Variants in RAD51B observed in about 807,000 individuals in gnomAD.
RAD51B encodes the protein DNA repair protein RAD51 homolog 2.
RAD51B carries 38 observed loss-of-function variants against 42.2 expected under a neutral mutation model. That is an observed-to-expected ratio of 0.90 (90% CI 0.70 to 1.18). RAD51B has a LOEUF of 1.18. RAD51B is among the 50% of genes most tolerant of loss of function. The pLI, the probability that RAD51B is intolerant of heterozygous loss-of-function variation, is 0.00. For synonymous variants in RAD51B, 154 were observed against 145.2 expected, an observed-to-expected ratio of 1.06 and a Z score of -0.43; for missense variants, 373 against 400.7, an observed-to-expected ratio of 0.93 and a Z score of 0.59.
At chr14:68,111,920 G>T (rs2077465721) in intron 7 of RAD51B, among the ~76,000 whole-genome samples, 1 of 152,030 alleles carries the variant, frequency 6.6e-6, no homozygotes, top group South Asian at 2.1e-4. Flanking sequence ...GTTCCTCTCT[G>T]TTCCCCTAGA....
chr14:67,839,237 T>A (rs373433788), intron 4 of RAD51B, among the ~76,000 whole-genome samples: 1 of 152,126 alleles, frequency 6.6e-6, no homozygotes, highest in Non-Finnish European at 1.5e-5. Context: ...TATTCTGCAA[T>A]AGTTTGCCTA....
At chr14:67,891,547 A>C in intron 7 of RAD51B, among the ~76,000 whole-genome samples, 1 of 152,130 alleles carries the variant, frequency 6.6e-6, no homozygotes, top group East Asian at 1.9e-4. Flanking sequence ...TTCTGGTTTT[A>C]AAGTGGACAT....
intron 2 of RAD51B, among the ~76,000 whole-genome samples, chr14:67,824,796 C>G (rs188704108): frequency 1.1e-3 from 165 of 151,636 alleles, no homozygotes; most frequent in African/African-American, 3.9e-3. Flanking sequence ...GAAACTCTTT[C>G]GGCCGGGCAC....
At chr14:68,635,393 A>G (rs1432530797) in intron 10 of RAD51B, among the ~76,000 whole-genome samples, 3 of 152,250 alleles carry the variant, frequency 2.0e-5, no homozygotes, top group Non-Finnish European at 4.4e-5. Context: ...TTTAAAAACC[A>G]GAGATGTGAT....
At chr14:67,880,829 A>C (rs1212477801) in intron 5 of RAD51B, among the ~76,000 whole-genome samples, 2 of 152,084 alleles carry the variant, frequency 1.3e-5, no homozygotes, top group Non-Finnish European at 2.9e-5. Flanking sequence ...TTTAAGGTAC[A>C]TTTTAGTATT....
In RAD51B at chr14:67,850,283, G is replaced by A. The variant is rs112176320; in HGVS notation, c.316-14720G>A. The stretch of plus-strand genomic sequence containing the variant: ...GGATGGATTACAGACATGAGTCACC[G>A]TGCCTGGCTGGCACTTCAAATTTTT... On this transcript the variant is annotated intron_variant, in intron 4 of 10. Transcript: ENST00000471583. Among the ~76,000 whole-genome samples, 1,093 of 152,300 alleles carry A rather than the reference G, an allele frequency of 7.2e-3. 17 individuals are homozygous for A. Among genetic ancestry groups the A allele is most frequent in the African/African-American group, 0.025 (1,041 of 41,530 alleles).
At chr14:68,376,590 A>G (rs34987391) in intron 8 of RAD51B, among the ~76,000 whole-genome samples, 3,068 of 152,246 alleles carry the variant, frequency 0.02, 41 homozygotes, top group Non-Finnish European at 0.03. Flanking sequence ...ACCTGCCAAC[A>G]TAGTTGGGCA....
intron 8 of RAD51B, among the ~76,000 whole-genome samples, chr14:68,298,299 A>G (rs2081652387): frequency 6.6e-6 from 1 of 152,230 alleles, no homozygotes; most frequent in Non-Finnish European, 1.5e-5. Flanking sequence ...CCTGGAGGCC[A>G]GGGGGCAATG....
intron 5 of RAD51B, among the ~76,000 whole-genome samples, chr14:67,870,206 A>G (rs1719268369): frequency 6.6e-6 from 1 of 151,806 alleles, no homozygotes; most frequent in South Asian, 2.1e-4. Context: ...ACGTGCAGAG[A>G]CACACATAGG....
At chr14:68,569,114 G>A (rs1889566075) in intron 10 of RAD51B, among the ~76,000 whole-genome samples, 1 of 152,136 alleles carries the variant, frequency 6.6e-6, no homozygotes, top group Admixed American at 6.5e-5. Flanking sequence ...TTTCCCTTCG[G>A]CATCATCAGC....
chr14:68,046,881 T>C (rs1304203862), intron 7 of RAD51B, among the ~76,000 whole-genome samples: 10 of 152,128 alleles, frequency 6.6e-5, no homozygotes, highest in Non-Finnish European at 1.5e-4. Flanking sequence ...GTGTAGTGTT[T>C]ATAAGAAGTC....
At chr14:68,675,481 A>C (rs548132480) in intron 11 of RAD51B, among the ~76,000 whole-genome samples, 1 of 152,182 alleles carries the variant, frequency 6.6e-6, no homozygotes. Context: ...ACAGTAACAC[A>C]AAGTGCTAAG....
At chr14:68,342,097 ACT>A (rs2082583259) in intron 8 of RAD51B, among the ~76,000 whole-genome samples, 1 of 152,108 alleles carries the variant, frequency 6.6e-6, no homozygotes. Context: ...TTACCCCTTG[ACT>A]CTATCACATG....
chr14:68,251,400 T>C (rs947600256), intron 7 of RAD51B, among the ~76,000 whole-genome samples: 12 of 152,136 alleles, frequency 7.9e-5, no homozygotes, highest in African/African-American at 2.7e-4. Flanking sequence ...GAGGAGAGTG[T>C]AGCTATACAA....
intron 4 of RAD51B, among the ~76,000 whole-genome samples, chr14:67,858,459 TG>T (rs1254869974): frequency 6.6e-6 from 1 of 152,228 alleles, no homozygotes. Flanking sequence ...AAATTCCGGC[TG>T]TCTCCGGTAT....
At chr14:68,296,864 A>G (rs2081623902) in intron 8 of RAD51B, among the ~76,000 whole-genome samples, 1 of 152,212 alleles carries the variant, frequency 6.6e-6, no homozygotes, top group Admixed American at 6.5e-5. Flanking sequence ...GTTTTCCGAT[A>G]GACCATAGCA....
intron 5 of RAD51B, among the ~76,000 whole-genome samples, chr14:67,881,600 T>C (rs969591286): frequency 1.3e-5 from 2 of 152,188 alleles, no homozygotes; most frequent in African/African-American, 4.8e-5. Context: ...AGGCTCTGTT[T>C]ACTTTCCCTT....
At chr14:68,514,540 C>T (rs1200448029) in intron 10 of RAD51B, among the ~76,000 whole-genome samples, 1 of 152,234 alleles carries the variant, frequency 6.6e-6, no homozygotes, top group Non-Finnish European at 1.5e-5. Context: ...CTAAAAGTTC[C>T]TCCTGTGGGC....
intron 7 of RAD51B, among the ~76,000 whole-genome samples, chr14:68,078,986 A>C (rs1478311109): frequency 3.9e-5 from 6 of 152,126 alleles, no homozygotes; most frequent in Non-Finnish European, 5.9e-5. Flanking sequence ...CCAAGACCCT[A>C]TCTCTAAATA....
Sources: gnomAD v4.1 joint callset for allele counts (sites outside exome capture counted in the v4.1 genomes callset) on GRCh38, gnomAD v4.1.1 for gene constraint, MANE v1.5 for transcripts, NCBI Gene and HGNC (gene_info 2026-07-23, HGNC 2026-07-21) for gene names.